The following SLC18A1 variants were observed in gnomAD, a reference collection of about 807,000 sequenced individuals.
The protein encoded by SLC18A1 is solute carrier family 18 member A1, also known as chromaffin granule amine transporter.
Under a neutral mutation model 53.7 loss-of-function variants are expected in SLC18A1, and 69 were observed. That is an observed-to-expected ratio of 1.28 (90% CI 1.06 to 1.57). The LOEUF (loss-of-function observed/expected upper bound fraction) is 1.57. Ranked by LOEUF, SLC18A1 falls within the 40% of genes most tolerant of loss-of-function variation. The pLI is 0.00. For synonymous variants in SLC18A1, 320 were observed against 248.1 expected (o/e 1.29, Z -2.72); for missense variants, 932 against 668.1 (o/e 1.40, Z -4.35).
intron 5 of SLC18A1, among the ~76,000 whole-genome samples, chr8:20,174,109 G>A (rs2072195822): frequency 6.6e-6 from 1 of 151,776 alleles, no homozygotes; most frequent in Non-Finnish European, 1.5e-5. Flanking sequence ...TCACTATGTT[G>A]CCCAGGCTGC....
chr8:20,177,557 G>T (rs982707041), intron 4 of SLC18A1, among the ~76,000 whole-genome samples: 8 of 152,202 alleles, frequency 5.3e-5, no homozygotes, highest in South Asian at 2.1e-4. Flanking sequence ...GTTAATGGGT[G>T]CAGTACTCCA....
chr8:20,164,535 G>T (rs1025337997), intron 10 of SLC18A1, among the ~76,000 whole-genome samples: 3 of 152,178 alleles, frequency 2.0e-5, no homozygotes, highest in Non-Finnish European at 4.4e-5. Context: ...GAAAAGTGAT[G>T]CTCAGAGGGT....
intron 15 of SLC18A1, 60 bp from the exon 16 acceptor site, chr8:20,145,936 G>A: frequency 3.0e-6 from 3 of 997,622 alleles, no homozygotes; most frequent in Non-Finnish European, 4.4e-6. Context: ...TTTTTTTTGA[G>A]ACGGAGTCTC....
chr8:20,155,082 A>G (rs776828855), intron 10 of SLC18A1, among the ~76,000 whole-genome samples: 1 of 152,124 alleles, frequency 6.6e-6, no homozygotes, highest in Non-Finnish European at 1.5e-5. Context: ...TATAACACTC[A>G]CCACATGGCC....
chr8:20,152,331 A>G (rs1270271774), intron 10 of SLC18A1, among the ~76,000 whole-genome samples: 5 of 152,224 alleles, frequency 3.3e-5, no homozygotes, highest in Admixed American at 3.3e-4. Context: ...ATATTTTCTA[A>G]AATCCCCTAG....
chr8:20,173,549 A>G (rs1405934661), intron 5 of SLC18A1, among the ~76,000 whole-genome samples: 9 of 152,206 alleles, frequency 5.9e-5, no homozygotes, highest in African/African-American at 1.9e-4. Context: ...GACCTGGAAG[A>G]AAGTGTGGGC....
chr8:20,157,213 C>T (rs1461213900), intron 10 of SLC18A1, among the ~76,000 whole-genome samples: 1 of 152,106 alleles, frequency 6.6e-6, no homozygotes, highest in African/African-American at 2.4e-5. Flanking sequence ...GAAACGTTTT[C>T]CCCAAGGCAA....
intron 11 of SLC18A1, 140 bp from the exon 12 acceptor site, chr8:20,149,867 C>G: frequency 1.4e-6 from 1 of 697,514 alleles, no homozygotes; most frequent in Non-Finnish European, 2.6e-6. Context: ...CCCTACATGA[C>G]CAGTTTGTAC....
intron 10 of SLC18A1, among the ~76,000 whole-genome samples, chr8:20,154,964 T>C (rs2071646730): frequency 6.6e-6 from 1 of 152,180 alleles, no homozygotes; most frequent in Non-Finnish European, 1.5e-5. Flanking sequence ...GGCTAAAAGC[T>C]TGCCATTGTT....
rs150957358 is a variant in SLC18A1, at chr8:20,174,983, G to C, written c.548-539C>G. Among the ~76,000 whole-genome samples the C allele has an allele frequency of 4.4e-3, 663 of 152,282 alleles. 5 individuals are homozygous for C. Among genetic ancestry groups the C allele is most frequent in the African/African-American group, 0.015 (630 of 41,544 alleles). ...CTTATATTGAACGATCTTTTAACCA[G>C]ACAAAATCAGCAGGTATTAAATTAT... is the stretch of plus-strand genomic sequence containing the variant. On this transcript the variant is annotated intron_variant, in intron 4 of 15. Transcript: ENST00000276373.
At chr8:20,173,917 G>A (rs2072190534) in intron 5 of SLC18A1, among the ~76,000 whole-genome samples, 1 of 132,812 alleles carries the variant, frequency 7.5e-6, no homozygotes, top group Non-Finnish European at 1.6e-5. Flanking sequence ...TTTTTTTTGA[G>A]TTAGGGTCTA....
intron 10 of SLC18A1, among the ~76,000 whole-genome samples, chr8:20,154,644 A>G (rs2071637893): frequency 6.6e-6 from 1 of 152,224 alleles, no homozygotes; most frequent in Non-Finnish European, 1.5e-5. Flanking sequence ...ATGTTCAGAG[A>G]AAAGGATGAG....
intron 12 of SLC18A1, chr8:20,148,566 A>G (rs1003321427): frequency 2.3e-6 from 2 of 866,548 alleles, no homozygotes; most frequent in Non-Finnish European, 3.3e-6. Flanking sequence ...AGTTAGCTGT[A>G]AGCTAGAGGG....
chr8:20,160,433 A>G (rs1014826582), intron 10 of SLC18A1, among the ~76,000 whole-genome samples: 1 of 151,838 alleles, frequency 6.6e-6, no homozygotes, highest in African/African-American at 2.4e-5. Context: ...TAGGTGCTCC[A>G]GAATATGTAT....
chr8:20,145,596 A>C lies in SLC18A1; in HGVS notation c.*167T>G. 2.2e-6 allele frequency: 1 copy of C among 449,064 alleles called. No individual in the cohort carries two copies. Among genetic ancestry groups the C allele is most frequent in the Non-Finnish European group, 4.0e-6 (1 of 252,986 alleles). 27.8% of individuals were successfully genotyped at this position (449,064 alleles called of 1,614,324 possible). The stretch of plus-strand genomic sequence containing the variant: ...GCATAGAGGAAGAGCTACAAGTTAC[A>C]CAGGTGAGAAGAGTATCAGGGACAG... On this transcript the variant is annotated 3_prime_UTR_variant, in exon 16 of 16. Transcript: ENST00000276373.
intron 8 of SLC18A1, among the ~76,000 whole-genome samples, chr8:20,168,175 G>T (rs2072018174): frequency 6.6e-6 from 1 of 151,956 alleles, no homozygotes; most frequent in African/African-American, 2.4e-5. Flanking sequence ...GGAGTTCAAG[G>T]CCAGCCTGGG....
chr8:20,170,008 G>A lies in SLC18A1; in HGVS notation c.858+1095C>T, dbSNP rs76705491. Reference sequence around the variant, plus strand: ...GAACCACCTGGATGAGTGTCCCTACGCCTGGGCCAGGGCTGGAGGGGTGCT... The same window carrying A: ...GAACCACCTGGATGAGTGTCCCTACACCTGGGCCAGGGCTGGAGGGGTGCT... On this transcript the variant is annotated intron_variant, in intron 8 of 15. Transcript: ENST00000276373. Among the ~76,000 whole-genome samples, 731 of 152,240 alleles carry A rather than the reference G, an allele frequency of 4.8e-3. 6 individuals are homozygous for A. The highest frequency in any genetic ancestry group is 0.016 in the African/African-American group (683 of 41,528).
intron 11 of SLC18A1, 144 bp from the exon 12 acceptor site, chr8:20,149,871 T>C: frequency 1.4e-6 from 1 of 691,776 alleles, no homozygotes; most frequent in East Asian, 2.7e-5. Context: ...ACATGACCAG[T>C]TTGTACCCAA....
intron 11 of SLC18A1, 63 bp from the exon 12 acceptor site, chr8:20,149,790 T>A: frequency 6.7e-7 from 1 of 1,494,218 alleles, no homozygotes; most frequent in South Asian, 1.1e-5. Context: ...CTGTACCCCA[T>A]CACCGCCATG....
Sources: gnomAD v4.1 joint callset for allele counts (sites outside exome capture counted in the v4.1 genomes callset) on GRCh38, gnomAD v4.1.1 for gene constraint, MANE v1.5 for transcripts, NCBI Gene and HGNC (gene_info 2026-07-23, HGNC 2026-07-21) for gene names.